The following ZFHX3 variants were observed in gnomAD, a reference collection of about 807,000 sequenced individuals.
ZFHX3 encodes zinc finger homeobox 3, also known as zinc finger homeobox protein 3.
Under a neutral mutation model 279.1 loss-of-function variants are expected in ZFHX3, and 42 were observed. The observed-to-expected ratio is 0.15, with a 90% CI of 0.12 to 0.19. The LOEUF (loss-of-function observed/expected upper bound fraction) is 0.19. Among genes scored for constraint, ZFHX3 ranks in the 10% least tolerant of loss-of-function variants. The probability of loss-of-function intolerance (pLI) is 1.00; values close to 1 mark genes in which losing one functional copy is unlikely to be tolerated. For missense variants in ZFHX3, 4,981 were observed against 4,754.0 expected, an observed-to-expected ratio of 1.05 and a Z score of -1.40; for synonymous variants, 2,293 against 1,957.8, an observed-to-expected ratio of 1.17 and a Z score of -4.52.
chr16:73,456,676 A>G (rs115487116), intron 2 of ZFHX3, among the ~76,000 whole-genome samples: 3 of 152,326 alleles, frequency 2.0e-5, no homozygotes, highest in African/African-American at 7.2e-5. Flanking sequence ...CTCCAATGTC[A>G]AAATGAAAAT....
intron 3 of ZFHX3, among the ~76,000 whole-genome samples, chr16:73,367,468 T>G (rs1019794824): frequency 2.0e-5 from 3 of 152,308 alleles, no homozygotes; most frequent in African/African-American, 7.2e-5. Context: ...GGGTCATGTG[T>G]TCAAGCTGGC....
At chr16:73,464,038 C>G (rs2018518240) in intron 2 of ZFHX3, among the ~76,000 whole-genome samples, 1 of 152,162 alleles carries the variant, frequency 6.6e-6, no homozygotes, top group African/African-American at 2.4e-5. Flanking sequence ...TGGATGCAAA[C>G]CAGATCCATT....
chr16:73,203,339 A>G (rs568874158), intron 5 of ZFHX3, among the ~76,000 whole-genome samples: 1 of 152,294 alleles, frequency 6.6e-6, no homozygotes, highest in East Asian at 1.9e-4. Context: ...CTTCCTCTAG[A>G]AAGTTCCATG....
intron 5 of ZFHX3, among the ~76,000 whole-genome samples, chr16:73,223,053 C>T (rs865950131): frequency 6.6e-5 from 10 of 152,172 alleles, no homozygotes; most frequent in Middle Eastern, 6.8e-3. Flanking sequence ...TCCTTACACC[C>T]ATCACAAAAG....
chr16:73,590,493 A>G (rs1411461697), intron 2 of ZFHX3, among the ~76,000 whole-genome samples: 4 of 152,214 alleles, frequency 2.6e-5, no homozygotes, highest in Admixed American at 6.5e-5. Flanking sequence ...GTGGGTCAAG[A>G]GCAGCAACAG....
intron 2 of ZFHX3, among the ~76,000 whole-genome samples, chr16:73,543,230 A>C (rs16972162): frequency 0.02 from 3,122 of 152,340 alleles, 129 homozygotes; most frequent in African/African-American, 0.07. Context: ...GCTATTAAAT[A>C]CAAGTCTATC....
intron 2 of ZFHX3, among the ~76,000 whole-genome samples, chr16:73,525,500 A>G (rs1176582506): frequency 6.6e-6 from 1 of 152,210 alleles, no homozygotes; most frequent in Non-Finnish European, 1.5e-5. Context: ...TTCAAGAAGA[A>G]CAAACAGAAG....
intron 1 of ZFHX3, among the ~76,000 whole-genome samples, chr16:73,760,009 GT>G (rs5817877): frequency 2.1e-5 from 3 of 145,022 alleles, no homozygotes; most frequent in Non-Finnish European, 4.5e-5. Flanking sequence ...TCCAGGAGCT[GT>G]TTTTTTTTAA....
intron 2 of ZFHX3, among the ~76,000 whole-genome samples, chr16:73,612,968 T>C (rs968668960): frequency 6.6e-6 from 1 of 152,200 alleles, no homozygotes; most frequent in Non-Finnish European, 1.5e-5. Flanking sequence ...AAGCTCCATA[T>C]ACTTTATTAT....
At chr16:73,668,354 G>T (rs377156567) in intron 2 of ZFHX3, among the ~76,000 whole-genome samples, 14 of 151,378 alleles carry the variant, frequency 9.2e-5, no homozygotes, top group South Asian at 2.1e-4. Flanking sequence ...TGTGCAGAAC[G>T]TGCAGGTTTG....
intron 3 of ZFHX3, among the ~76,000 whole-genome samples, chr16:72,926,298 C>T (rs1371053656): frequency 6.6e-6 from 1 of 152,164 alleles, no homozygotes; most frequent in East Asian, 1.9e-4. Flanking sequence ...TTTTGCGTCT[C>T]TGTCTCTCTC....
At chr16:73,846,601 C>T (rs751642257) in intron 1 of ZFHX3, among the ~76,000 whole-genome samples, 4 of 152,150 alleles carry the variant, frequency 2.6e-5, no homozygotes, top group Non-Finnish European at 4.4e-5. Flanking sequence ...TGTAAATATG[C>T]ATGAATAAGC....
Position 72,793,217 on chromosome 16 carries a change from T to TG in ZFHX3, c.9427+37_9427+38insC. 1 of 1,559,336 alleles carries TG rather than the reference T, an allele frequency of 6.4e-7. No individual in the cohort carries two copies. The highest frequency in any genetic ancestry group is 8.7e-7 in the Non-Finnish European group (1 of 1,153,934). On this transcript the variant is annotated intron_variant, in intron 9 of 9. Transcript: ENST00000268489. This position sits in a 1 kb window ranked among gnomAD's most constrained non-coding sequence, Gnocchi z 4.3. ...CATAACAGAATGCTGACTGGGCAGC[T>TG]ATTTAGCCCTGAAACAATCGCCTAG...
In ZFHX3 at chr16:73,875,863, G is replaced by T. The variant is rs560316238; in HGVS notation, c.-1608+15788C>A. Among the ~76,000 whole-genome samples the T allele has an allele frequency of 2.1e-4, 32 of 152,112 alleles. No homozygotes were observed. The South Asian group carries it at 6.0e-3, about 29-fold the overall frequency. On this transcript the variant is annotated intron_variant, in intron 1 of 17. Transcript: ENST00000641206. ...ACCATGTTATCAATCCACCTACACC[G>T]AACATTAAATATTTTAATATTCATA...
At chr16:73,020,869 C>A (rs942865834) in intron 1 of ZFHX3, among the ~76,000 whole-genome samples, 2 of 152,104 alleles carry the variant, frequency 1.3e-5, no homozygotes. Context: ...TCCCGCCCCC[C>A]CAATACTCTT....
In ZFHX3 at chr16:72,796,553, G is replaced by A; in HGVS notation, c.6129C>T (p.Pro2043=). 6.2e-7 allele frequency: 1 copy of A among 1,610,738 alleles called. No individual in the cohort carries two copies. Among genetic ancestry groups the A allele is most frequent in the Non-Finnish European group, 8.5e-7 (1 of 1,179,472 alleles). Residue 2043 remains proline, a synonymous_variant, in exon 9 of 10, where the codon CCC becomes CCT. Coordinates refer to ENST00000268489, the MANE Select transcript of ZFHX3 (RefSeq NM_006885.4). ...RPQTPEPPPP[P]PPPPPPPLPA... ...GAAGTGGGGGTGGAGGGGGTGGAGG[G>A]GGAGGTGGTGGTGGCTCTGGGGTCT... is the stretch of plus-strand genomic sequence containing the variant.
At chr16:73,574,362 C>G (rs971142676) in intron 2 of ZFHX3, among the ~76,000 whole-genome samples, 1 of 152,122 alleles carries the variant, frequency 6.6e-6, no homozygotes, top group African/African-American at 2.4e-5. Flanking sequence ...CCAGCATCCA[C>G]TGAATCAGAG....
intron 1 of ZFHX3, among the ~76,000 whole-genome samples, chr16:73,843,011 T>C (rs1961352141): frequency 6.6e-6 from 1 of 152,262 alleles, no homozygotes; most frequent in Non-Finnish European, 1.5e-5. Flanking sequence ...ACACATTATG[T>C]ACAAAATAAA....
chr16:73,134,466 G>A (rs920447100), intron 6 of ZFHX3: 10 of 148,120 alleles, frequency 6.8e-5, no homozygotes, highest in African/African-American at 7.5e-5. Context: ...TAACAGTTGC[G>A]ACCACAGGCA....
Sources: gnomAD v4.1 joint callset for allele counts (sites outside exome capture counted in the v4.1 genomes callset) on GRCh38, gnomAD v4.1.1 for gene constraint, Gnocchi (gnomAD v3.1) non-coding constraint, MANE v1.5 for transcripts, NCBI Gene and HGNC (gene_info 2026-07-23, HGNC 2026-07-21) for gene names.